Variants in AHI1 observed in about 807,000 individuals in gnomAD.
AHI1 encodes the protein Abelson helper integration site 1, also known as jouberin.
Under a neutral mutation model 149.3 loss-of-function variants are expected in AHI1, and 123 were observed. That is an observed-to-expected ratio of 0.82 (90% CI 0.71 to 0.96). AHI1 has a LOEUF of 0.96. AHI1 is among the 40% of genes least tolerant of loss of function. AHI1 has a pLI of 0.00. For missense variants in AHI1, 1,439 were observed against 1,422.7 expected, an observed-to-expected ratio of 1.01 and a Z score of -0.18; for synonymous variants, 475 against 459.8, an observed-to-expected ratio of 1.03 and a Z score of -0.42.
intron 11 of AHI1, among the ~76,000 whole-genome samples, chr6:135,451,005 C>CT (rs5880252): frequency 0.43 from 65,427 of 150,416 alleles, 17,226 homozygotes; most frequent in East Asian, 0.58. Context: ...TGCCACTTCC[C>CT]TTTTTTTTTG....
chr6:135,354,347 A>G (rs1792625915), intron 24 of AHI1, among the ~76,000 whole-genome samples: 1 of 152,158 alleles, frequency 6.6e-6, no homozygotes, highest in Admixed American at 6.5e-5. Flanking sequence ...AACAGTACTC[A>G]AGACACTAGA....
At chr6:135,454,131 C>G (rs530095339) in intron 10 of AHI1, among the ~76,000 whole-genome samples, 1 of 152,070 alleles carries the variant, frequency 6.6e-6, no homozygotes, top group South Asian at 2.1e-4. Flanking sequence ...ATAATACATG[C>G]TCAGTGAAAA....
chr6:135,490,795 A>C, intron 4 of AHI1, 48 bp from the exon 5 acceptor site: 1 of 1,598,128 alleles, frequency 6.3e-7, no homozygotes, highest in East Asian at 2.2e-5. Flanking sequence ...CTATCATAAC[A>C]CACAACCTAC....
At chr6:135,400,674 T>C (rs573980142) in intron 22 of AHI1, among the ~76,000 whole-genome samples, 1 of 152,326 alleles carries the variant, frequency 6.6e-6, no homozygotes, top group Admixed American at 6.5e-5. Flanking sequence ...AAAGAGTTCC[T>C]TTTCTTTTTA....
chr6:135,463,055 G>A, intron 8 of AHI1, 70 bp downstream of exon 8: 1 of 1,305,680 alleles, frequency 7.7e-7, no homozygotes, highest in Non-Finnish European at 1.0e-6. Flanking sequence ...AGTTTTAAAG[G>A]GCTAAAATTC....
intron 28 of AHI1, among the ~76,000 whole-genome samples, chr6:135,287,956 G>A (rs1439781237): frequency 6.6e-6 from 1 of 151,868 alleles, no homozygotes; most frequent in Non-Finnish European, 1.5e-5. Flanking sequence ...TTAGCCAGGT[G>A]TGGTGGTGGG....
intron 23 of AHI1, among the ~76,000 whole-genome samples, chr6:135,385,495 C>T (rs1045538410): frequency 1.3e-5 from 2 of 152,076 alleles, no homozygotes; most frequent in South Asian, 2.1e-4. Flanking sequence ...AAAGAATTGA[C>T]CACTGGAATT....
intron 26 of AHI1, chr6:135,302,197 C>G: frequency 1.0e-6 from 1 of 985,334 alleles, no homozygotes; most frequent in Non-Finnish European, 1.2e-6. Context: ...TCTCTTTGCC[C>G]ATGGCAAGAC....
chr6:135,492,380 G>A, intron 3 of AHI1, 89 bp from the exon 4 acceptor site: 2 of 1,398,158 alleles, frequency 1.4e-6, no homozygotes, highest in Non-Finnish European at 1.9e-6. Flanking sequence ...GCCATTGTAT[G>A]TCCACTACTT....
At chr6:135,303,651 C>G (rs1784175765) in intron 26 of AHI1, among the ~76,000 whole-genome samples, 1 of 151,782 alleles carries the variant, frequency 6.6e-6, no homozygotes, top group Non-Finnish European at 1.5e-5. Flanking sequence ...AATTGGAGGC[C>G]CAGAGTTACC....
intron 13 of AHI1, among the ~76,000 whole-genome samples, chr6:135,444,770 C>T (rs996495600): frequency 6.6e-6 from 1 of 152,238 alleles, no homozygotes; most frequent in Non-Finnish European, 1.5e-5. Context: ...AGTGCCTCTG[C>T]TCTCTTGTGA....
At chr6:135,436,839 T>TGATCTGCCCA (rs577800760) in intron 15 of AHI1, among the ~76,000 whole-genome samples, 320 of 152,274 alleles carry the variant, frequency 2.1e-3, no homozygotes, top group African/African-American at 7.4e-3. Flanking sequence ...TGACCTCCAG[T>TGATCTGCCCA]GATCTGCCCA....
At chr6:135,351,135 C>CAAAAAAAAAAAAAAAAAAAAAAA (rs1183574427) in intron 24 of AHI1, among the ~76,000 whole-genome samples, 1 of 131,384 alleles carries the variant, frequency 7.6e-6, no homozygotes, top group African/African-American at 3.4e-5. Context: ...AAACAAAAAA[C>CAAAAAAAAAAAAAAAAAAAAAAA]AAAAAAAACA....
chr6:135,298,243 G>A (rs1056424388), intron 27 of AHI1, among the ~76,000 whole-genome samples: 1 of 149,716 alleles, frequency 6.7e-6, no homozygotes, highest in Non-Finnish European at 1.5e-5. Flanking sequence ...ACCAATAGAA[G>A]TTTCTTCTAG....
rs1316144070 is a variant in AHI1, at chr6:135,284,026, C to T, written c.*1619G>A. 6.6e-6 allele frequency: 1 copy of T among 152,096 alleles called. No homozygotes were observed. The highest frequency in any genetic ancestry group is 1.5e-5 in the Non-Finnish European group (1 of 68,014). The allele number at this position is 152,096 out of a possible 1,614,324, so 9.4% of individuals were successfully genotyped here. On this transcript the variant is annotated 3_prime_UTR_variant, in exon 29 of 29. Coordinates refer to ENST00000265602, the MANE Select transcript of AHI1 (RefSeq NM_001134831.2). ...ATTTTTATTTTTAAATTATCAAGTG[C>T]ATTCACAAGACAGAAAAAAACAAGC... is the stretch of plus-strand genomic sequence containing the variant.
chr6:135,425,225 C>CT (rs1783762901), intron 20 of AHI1, among the ~76,000 whole-genome samples: 1 of 151,862 alleles, frequency 6.6e-6, no homozygotes, highest in Admixed American at 6.6e-5. Flanking sequence ...AATGTGTCTA[C>CT]TATTTGAATA....
intron 24 of AHI1, among the ~76,000 whole-genome samples, chr6:135,354,290 T>C (rs1305354411): frequency 6.6e-6 from 1 of 152,160 alleles, no homozygotes; most frequent in Admixed American, 6.5e-5. Flanking sequence ...GCCATATTGA[T>C]GTCATTTGAA....
At chr6:135,352,816 T>C (rs562962698) in intron 24 of AHI1, among the ~76,000 whole-genome samples, 1 of 150,204 alleles carries the variant, frequency 6.7e-6, no homozygotes, top group African/African-American at 2.4e-5. Flanking sequence ...TGTGGGTTTT[T>C]TTTTTTTTTG....
intron 21 of AHI1, among the ~76,000 whole-genome samples, chr6:135,405,442 T>C (rs1780620328): frequency 6.6e-6 from 1 of 152,150 alleles, no homozygotes; most frequent in Admixed American, 6.5e-5. Flanking sequence ...TTGAAAGAGC[T>C]ACAGAAAGGA....
Sources: allele counts gnomAD v4.1 joint callset (sites outside exome capture counted in the v4.1 genomes callset), GRCh38; gene constraint gnomAD v4.1.1; transcripts MANE v1.5; gene names NCBI Gene and HGNC (gene_info 2026-07-23, HGNC 2026-07-21).